The following SLC17A4 variants were observed in gnomAD, a reference collection of about 807,000 sequenced individuals.
The protein encoded by SLC17A4 is probable small intestine urate exporter.
In SLC17A4, 33 loss-of-function variants were observed where a neutral mutation model predicts 52.5. That is an observed-to-expected ratio of 0.63 (90% CI 0.48 to 0.84). The LOEUF (loss-of-function observed/expected upper bound fraction) is 0.84, where lower values mean the gene tolerates loss of function less well. Ranked by LOEUF, SLC17A4 falls within the 40% of genes least tolerant of loss-of-function variation. SLC17A4 has a pLI of 0.00. For synonymous variants in SLC17A4, 225 were observed against 216.2 expected, an observed-to-expected ratio of 1.04 and a Z score of -0.36; for missense variants, 585 against 597.1, an observed-to-expected ratio of 0.98 and a Z score of 0.21.
intron 5 of SLC17A4, among the ~76,000 whole-genome samples, 167 bp downstream of exon 5, chr6:25,770,638 G>A (rs3757130): frequency 0.32 from 48,543 of 152,056 alleles, 9,522 homozygotes; most frequent in South Asian, 0.45. Flanking sequence ...TAAACTGAAT[G>A]CTTACTATGT....
rs759129560 is a variant in SLC17A4, at chr6:25,777,910, C to A, written c.1269-16C>A. The A allele has an allele frequency of 2.5e-6, 4 of 1,597,770 alleles. No homozygotes were observed. The highest frequency in any genetic ancestry group is 3.3e-5 in the Admixed American group (2 of 59,830). On this transcript the variant is annotated splice_polypyrimidine_tract_variant and intron_variant, in intron 10 of 11. Transcript: ENST00000377905. Reference sequence around the variant, plus strand: ...GGTATACTTGGTTATAATAGAGTACCATCTCTCTCTCTCAGGTACACTGGC... The same window carrying A: ...GGTATACTTGGTTATAATAGAGTACAATCTCTCTCTCTCAGGTACACTGGC...
intron 8 of SLC17A4, 36 bp downstream of exon 8, chr6:25,773,710 T>C (rs1447901854): frequency 6.3e-7 from 1 of 1,594,290 alleles, no homozygotes; most frequent in East Asian, 2.2e-5. Context: ...ATCTTCTGTT[T>C]AAATGCTTAA....
intron 2 of SLC17A4, among the ~76,000 whole-genome samples, chr6:25,763,135 G>A (rs1353046978): frequency 1.3e-5 from 2 of 152,168 alleles, no homozygotes; most frequent in African/African-American, 4.8e-5. Flanking sequence ...TTTGTCTAAA[G>A]TGGAACTTCT....
chr6:25,764,953 T>G (rs986353655), intron 2 of SLC17A4, among the ~76,000 whole-genome samples: 15 of 152,192 alleles, frequency 9.9e-5, no homozygotes, highest in Non-Finnish European at 2.1e-4. Flanking sequence ...TTAGCTTCCC[T>G]TGAATTGGTG....
Position 25,773,592 on chromosome 6 carries a change from T to G in SLC17A4, c.905T>G (p.Phe302Cys). 6.2e-7 allele frequency: 1 copy of G among 1,614,006 alleles called. No homozygotes were observed. The highest frequency in any genetic ancestry group is 8.5e-7 in the Non-Finnish European group (1 of 1,179,912). The change falls in exon 8 of 12, where the codon TTC (phenylalanine) becomes TGC (cysteine). Residue 302 changes from phenylalanine (F) to cysteine (C), a missense_variant. By Grantham distance (205) the Phe-to-Cys change is radical. Transcript: ENST00000377905. Reference protein sequence around the residue: ...LPLWAILVSYFCEYWLFYTIM... With the variant: ...LPLWAILVSYCCEYWLFYTIM... Reference sequence around the variant, plus strand: ...CTCTGGGCCATTTTAGTCTCTTATTTCTGTGAATACTGGCTTTTTTATACC... The same window carrying G: ...CTCTGGGCCATTTTAGTCTCTTATTGCTGTGAATACTGGCTTTTTTATACC...
chr6:25,776,734 G>A lies in SLC17A4; in HGVS notation c.1120+7G>A. The stretch of plus-strand genomic sequence containing the variant: ...AAACTCTTCACTGCCATTGGTAAGG[G>A]AGAGACTGGACACAGGGGTGAACGT... On this transcript the variant is annotated splice_region_variant and intron_variant, in intron 9 of 11. Transcript: ENST00000377905. The A allele has an allele frequency of 1.2e-6, 2 of 1,613,930 alleles. No individual in the cohort carries two copies. Among genetic ancestry groups the A allele is most frequent in the Non-Finnish European group, 1.7e-6 (2 of 1,179,888 alleles).
Position 25,776,938 on chromosome 6 carries a change from A to G in SLC17A4, c.1247A>G (p.Asn416Ser), listed in dbSNP as rs1387006369. Residue 416 changes from asparagine (N) to serine (S), a missense_variant, in exon 10 of 12, where the codon AAC becomes AGC. Coordinates refer to ENST00000377905, the MANE Select transcript of SLC17A4 (RefSeq NM_005495.3). ...TTCTGTGAATCAGGAGCCCTTGTTA[A>G]CTTCTTGGATATTGCTCCTCGGTAG... ...SSFCESGALV[N>S]FLDIAPRYTG... 6.2e-7 allele frequency: 1 copy of G among 1,612,928 alleles called. No homozygotes were observed. The highest frequency in any genetic ancestry group is 1.3e-5 in the African/African-American group (1 of 74,806).
At position 25,769,115 on chromosome 6, in the gene SLC17A4, C is replaced by T; in HGVS notation, c.222C>T (p.Pro74=). The change falls in exon 3 of 12, where the codon CCC becomes CCT. Residue 74 remains proline, a synonymous_variant. Transcript: ENST00000377905. ...ACAACACAGCCCCACCTAGCCAGCC[C>T]AATGCTTCCACAGAACGGCCCTCCA... is the stretch of plus-strand genomic sequence containing the variant. ...MVNNTAPPSQ[P]NASTERPSTD... is the part of the protein sequence containing the mutation. The T allele has an allele frequency of 6.2e-7, 1 of 1,614,054 alleles. No individual in the cohort carries two copies. Among genetic ancestry groups the T allele is most frequent in the Non-Finnish European group, 8.5e-7 (1 of 1,179,980 alleles).
Position 25,773,354 on chromosome 6 carries a change from T to C in SLC17A4, c.786T>C (p.Ala262=), listed in dbSNP as rs773465799. ...CTGTGAATCATCCCTTTATCAGTGCTGGTGAGAAGAGATACATTGTGTGTT... is the reference window on the plus strand; with the variant it reads ...CTGTGAATCATCCCTTTATCAGTGCCGGTGAGAAGAGATACATTGTGTGTT... ...DDPVNHPFIS[A]GEKRYIVCSL... The change falls in exon 7 of 12, where the codon GCT becomes GCC. Residue 262 remains alanine (A), a synonymous_variant. Coordinates refer to ENST00000377905, the MANE Select transcript of SLC17A4 (RefSeq NM_005495.3). 5.0e-6 allele frequency: 8 copies of C among 1,614,008 alleles called. No individual in the cohort carries two copies. The highest frequency in any genetic ancestry group is 1.7e-5 in the Admixed American group (1 of 60,000).
At chr6:25,768,957 G>A (rs1451685486) in intron 2 of SLC17A4, 28 bp from the exon 3 acceptor site, 2 of 1,604,886 alleles carry the variant, frequency 1.2e-6, no homozygotes, top group South Asian at 2.2e-5. Context: ...CATTCTGATT[G>A]TGATTTTTCA....
At chr6:25,769,300 A>G in intron 3 of SLC17A4, 110 bp downstream of exon 3, 1 of 1,040,922 alleles carries the variant, frequency 9.6e-7, no homozygotes, top group Non-Finnish European at 1.4e-6. Flanking sequence ...AACATGTACT[A>G]TGTGCCAGGA....
intron 2 of SLC17A4, among the ~76,000 whole-genome samples, chr6:25,766,665 C>T (rs1414264611): frequency 6.6e-6 from 1 of 152,186 alleles, no homozygotes; most frequent in Non-Finnish European, 1.5e-5. Context: ...CCTCCATGGC[C>T]TTCCTCTCAA....
chr6:25,778,552 A>T (rs61242778), intron 11 of SLC17A4, among the ~76,000 whole-genome samples: 8,792 of 152,212 alleles, frequency 0.058, 716 homozygotes, highest in African/African-American at 0.18. Flanking sequence ...AATAAATATT[A>T]AACAGTAGTA....
At chr6:25,777,815 C>G in intron 10 of SLC17A4, 111 bp from the exon 11 acceptor site, 1 of 816,374 alleles carries the variant, frequency 1.2e-6, no homozygotes, top group Non-Finnish European at 2.0e-6. Flanking sequence ...AGCAGACCAG[C>G]TGATATTAAC....
chr6:25,776,157 AT>A (rs1762896329), intron 8 of SLC17A4, among the ~76,000 whole-genome samples: 1 of 151,928 alleles, frequency 6.6e-6, no homozygotes, highest in Non-Finnish European at 1.5e-5. Context: ...CCAAAAAAAA[AT>A]GGGTGTTTTT....
intron 8 of SLC17A4, among the ~76,000 whole-genome samples, chr6:25,773,996 A>C (rs1762697594): frequency 6.6e-6 from 1 of 152,160 alleles, no homozygotes; most frequent in South Asian, 2.1e-4. Context: ...CAATCCCATC[A>C]AAATTTGCAA....
At chr6:25,766,832 A>G (rs1190623509) in intron 2 of SLC17A4, among the ~76,000 whole-genome samples, 3 of 152,228 alleles carry the variant, frequency 2.0e-5, no homozygotes, top group African/African-American at 7.2e-5. Flanking sequence ...AAACAAGGTA[A>G]GTCTGAGAAA....
intron 1 of SLC17A4, 43 bp from the exon 2 acceptor site, chr6:25,761,884 T>C (rs1761568207): frequency 8.3e-7 from 1 of 1,198,886 alleles, no homozygotes; most frequent in Non-Finnish European, 1.2e-6. Flanking sequence ...TAATATCATA[T>C]AAGATTCTCC....
intron 6 of SLC17A4, 102 bp downstream of exon 6, chr6:25,771,114 C>T: frequency 1.0e-6 from 1 of 972,400 alleles, no homozygotes; most frequent in Non-Finnish European, 1.6e-6. Context: ...ATTTACATAG[C>T]TAAAGCTGGT....
Sources: allele counts gnomAD v4.1 joint callset (sites outside exome capture counted in the v4.1 genomes callset), GRCh38; gene constraint gnomAD v4.1.1; transcripts MANE v1.5; gene names NCBI Gene and HGNC (gene_info 2026-07-23, HGNC 2026-07-21).